The following MLLT10 variants were observed in gnomAD, a reference collection of about 807,000 sequenced individuals.
The protein encoded by MLLT10 is MLLT10 histone lysine methyltransferase DOT1L cofactor.
Under a neutral mutation model 129.1 loss-of-function variants are expected in MLLT10, and 30 were observed. The ratio of observed to expected loss-of-function variants is 0.23; its 90% confidence interval spans 0.17 to 0.32. The LOEUF (loss-of-function observed/expected upper bound fraction) is 0.32. Ranked by LOEUF, MLLT10 falls within the 10% of genes least tolerant of loss-of-function variation. The pLI, the probability that MLLT10 is intolerant of heterozygous loss-of-function variation, is 1.00. For missense variants in MLLT10, 1,119 were observed against 1,268.3 expected (o/e 0.88, Z 1.79); for synonymous variants, 490 against 446.4 (o/e 1.10, Z -1.23).
intron 11 of MLLT10, among the ~76,000 whole-genome samples, chr10:21,680,039 T>C (rs1589606684): frequency 1.3e-5 from 2 of 152,298 alleles, no homozygotes; most frequent in East Asian, 3.9e-4. Context: ...TCAATTATTT[T>C]TCCCTCAGAA....
chr10:21,652,907 T>G (rs1332438830), intron 9 of MLLT10, among the ~76,000 whole-genome samples: 1 of 152,162 alleles, frequency 6.6e-6, no homozygotes, highest in Non-Finnish European at 1.5e-5. Flanking sequence ...CACCTGACTT[T>G]CTTACAGATA....
intron 3 of MLLT10, chr10:21,556,536 C>T (rs2038009111): frequency 2.7e-6 from 2 of 748,444 alleles, no homozygotes; most frequent in Admixed American, 2.9e-5. Flanking sequence ...TAGATTTCTT[C>T]CATTTACCCT....
chr10:21,644,853 A>T (rs371571373), intron 8 of MLLT10, among the ~76,000 whole-genome samples: 2 of 151,868 alleles, frequency 1.3e-5, no homozygotes, highest in East Asian at 3.9e-4. Flanking sequence ...CTGATGTCCA[A>T]CTCCTGGCCT....
chr10:21,742,038 C>T lies in MLLT10; in HGVS notation c.*55C>T. 1 of 1,556,136 alleles carries T rather than the reference C, an allele frequency of 6.4e-7. No individual in the cohort carries two copies. The highest frequency in any genetic ancestry group is 8.8e-7 in the Non-Finnish European group (1 of 1,133,786). On this transcript the variant is annotated 3_prime_UTR_variant, in exon 23 of 23. Transcript: ENST00000307729. The stretch of plus-strand genomic sequence containing the variant: ...CCTGCTGTTCTAGCACTTCATCTGG[C>T]TGCCTTTGCAGTCCTTTTACTACAG...
chr10:21,681,800 A>G (rs1445643734), intron 12 of MLLT10, among the ~76,000 whole-genome samples: 1 of 152,114 alleles, frequency 6.6e-6, no homozygotes, highest in African/African-American at 2.4e-5. Flanking sequence ...AATATTTGAT[A>G]GGGTTAGATG....
chr10:21,672,168 AGTGTGTGTGTGTGTGTGTGTGT>A (rs55769872), intron 10 of MLLT10, among the ~76,000 whole-genome samples: 10 of 134,376 alleles, frequency 7.4e-5, no homozygotes, highest in South Asian at 2.6e-4. Context: ...CCAGGTTTTC[AGTGTGTGTGTGTGTGTGTGTGT>A]GTGTGTGTGT....
chr10:21,652,435 TG>T (rs2049137592), intron 9 of MLLT10, among the ~76,000 whole-genome samples: 1 of 152,106 alleles, frequency 6.6e-6, no homozygotes, highest in Non-Finnish European at 1.5e-5. Flanking sequence ...ATTTGTAAAG[TG>T]GGGGAAATTA....
At position 21,612,419 on chromosome 10, in the gene MLLT10, A is replaced by G; in HGVS notation, c.477A>G (p.Lys159=). 1 of 1,612,990 alleles carries G rather than the reference A, an allele frequency of 6.2e-7. No individual in the cohort carries two copies. Among genetic ancestry groups the G allele is most frequent in the East Asian group, 2.2e-5 (1 of 44,842 alleles). ...AATGACMTCN[K]HGCRQAFHVT... ...CTGGTGCTTGCATGACATGTAATAAACATGGATGTCGACAGGCTTTCCATG... is the reference window on the plus strand; with the variant it reads ...CTGGTGCTTGCATGACATGTAATAAGCATGGATGTCGACAGGCTTTCCATG... The change falls in exon 6 of 23, where the codon AAA becomes AAG. Residue 159 remains lysine, a synonymous_variant. Coordinates refer to ENST00000307729, the MANE Select transcript of MLLT10 (RefSeq NM_001195626.3).
chr10:21,580,742 C>T (rs946512488), intron 3 of MLLT10, among the ~76,000 whole-genome samples: 6 of 151,566 alleles, frequency 4.0e-5, no homozygotes, highest in African/African-American at 1.5e-4. Context: ...TGCACTGTCG[C>T]CTGGGCTGGA....
At chr10:21,708,911 CT>C (rs1233246122) in intron 13 of MLLT10, among the ~76,000 whole-genome samples, 1 of 152,186 alleles carries the variant, frequency 6.6e-6, no homozygotes, top group Non-Finnish European at 1.5e-5. Flanking sequence ...TTTATTAAAA[CT>C]TACTCTGTGG....
At chr10:21,617,963 G>A (rs1023052913) in intron 8 of MLLT10, among the ~76,000 whole-genome samples, 1 of 152,084 alleles carries the variant, frequency 6.6e-6, no homozygotes, top group African/African-American at 2.4e-5. Context: ...GTAGTGTGCT[G>A]GGATTGTGCC....
At chr10:21,715,844 C>G (rs986891731) in intron 14 of MLLT10, among the ~76,000 whole-genome samples, 3 of 152,222 alleles carry the variant, frequency 2.0e-5, no homozygotes, top group African/African-American at 7.2e-5. Flanking sequence ...TATCCCCTCT[C>G]CATGTTTCAG....
chr10:21,560,616 T>A (rs2038685500), intron 3 of MLLT10, among the ~76,000 whole-genome samples: 1 of 151,802 alleles, frequency 6.6e-6, no homozygotes, highest in Admixed American at 6.6e-5. Context: ...ACCACCTAAT[T>A]TTATTGATTT....
chr10:21,631,356 A>G (rs541407342), intron 8 of MLLT10, among the ~76,000 whole-genome samples: 2 of 151,592 alleles, frequency 1.3e-5, no homozygotes, highest in African/African-American at 4.8e-5. Context: ...GGGCAGACGA[A>G]GAGATAAAGA....
At chr10:21,654,534 A>G (rs1350793883) in intron 9 of MLLT10, among the ~76,000 whole-genome samples, 1 of 152,244 alleles carries the variant, frequency 6.6e-6, no homozygotes, top group Non-Finnish European at 1.5e-5. Context: ...AAAAAAAGGC[A>G]TGAGATGGTT....
chr10:21,602,416 A>G (rs186375214), intron 5 of MLLT10, among the ~76,000 whole-genome samples: 110 of 152,256 alleles, frequency 7.2e-4, no homozygotes, highest in African/African-American at 2.5e-3. Flanking sequence ...TTAAATTCTC[A>G]GATAACACAC....
Position 21,534,650 on chromosome 10 carries a change from C to A in MLLT10, c.6C>A (p.Val2=). ...TCCCCCCAACTCCCTCTTAGATGGTCTCTAGCGACCGGCCCGTGTCACTGG... is the reference window on the plus strand; with the variant it reads ...TCCCCCCAACTCCCTCTTAGATGGTATCTAGCGACCGGCCCGTGTCACTGG... M[V]SSDRPVSLED... is the part of the protein sequence containing the mutation. The change falls in exon 2 of 23, where the codon GTC becomes GTA. Residue 2 remains valine (V), a synonymous_variant. Transcript: ENST00000307729. 6.2e-7 allele frequency: 1 copy of A among 1,607,822 alleles called. No homozygotes were observed. The highest frequency in any genetic ancestry group is 1.1e-5 in the South Asian group (1 of 90,222).
chr10:21,546,033 C>T (rs566309217), intron 3 of MLLT10, among the ~76,000 whole-genome samples: 2 of 152,076 alleles, frequency 1.3e-5, no homozygotes, highest in Non-Finnish European at 2.9e-5. Context: ...AGAAATTTAT[C>T]TACTTACATA....
At chr10:21,721,270 T>C (rs2057112362) in intron 14 of MLLT10, among the ~76,000 whole-genome samples, 1 of 152,214 alleles carries the variant, frequency 6.6e-6, no homozygotes, top group Non-Finnish European at 1.5e-5. Flanking sequence ...GATCTATCTC[T>C]AGATGATACA....
Sources: gnomAD v4.1 joint callset for allele counts (sites outside exome capture counted in the v4.1 genomes callset) on GRCh38, gnomAD v4.1.1 for gene constraint, MANE v1.5 for transcripts, NCBI Gene and HGNC (gene_info 2026-07-23, HGNC 2026-07-21) for gene names.